FBXL7: variants seen among roughly 807,000 people sequenced by gnomAD.
FBXL7 encodes F-box and leucine rich repeat protein 7.
In FBXL7, 12 loss-of-function variants were observed where a neutral mutation model predicts 38.3. That is an observed-to-expected ratio of 0.31 (90% CI 0.20 to 0.51). The LOEUF is 0.51. Ranked by LOEUF, FBXL7 falls within the 20% of genes least tolerant of loss-of-function variation. FBXL7 has a pLI of 0.98. For synonymous variants in FBXL7, 297 were observed against 300.9 expected (o/e 0.99, Z 0.13); for missense variants, 567 against 676.4 (o/e 0.84, Z 1.79).
At position 15,688,755 on chromosome 5, in the gene FBXL7, C is replaced by T. The variant is rs1743093543; in HGVS notation, c.127+72683C>T. Among the ~76,000 whole-genome samples, 4 of 152,280 alleles carry T rather than the reference C, an allele frequency of 2.6e-5. No individual in the cohort carries two copies. In the South Asian group the frequency reaches 8.3e-4, roughly 32 times the overall value. On this transcript the variant is annotated intron_variant, in intron 2 of 3. Coordinates refer to ENST00000504595, the MANE Select transcript of FBXL7 (RefSeq NM_012304.5). ...GAAGGTTTCTGACCATCAGCAAGAC[C>T]AGAACATGCCTGGTTTCCTCTTGTA...
rs114445970 is a variant in FBXL7 at position 15,641,574 on chromosome 5, T to C, written c.127+25502T>C. ...GACCAGGTCATAGAGTGCTCAGACA[T>C]TGGGTTAAATATGATGTCGGGGTGT... On this transcript the variant is annotated intron_variant, in intron 2 of 3. Coordinates refer to ENST00000504595, the MANE Select transcript of FBXL7 (RefSeq NM_012304.5). Among the ~76,000 whole-genome samples, 894 of 151,752 alleles carry C rather than the reference T, an allele frequency of 5.9e-3. 7 individuals carry two copies. The highest frequency in any genetic ancestry group is 0.02 in the African/African-American group (844 of 41,368).
intron 2 of FBXL7, among the ~76,000 whole-genome samples, chr5:15,859,270 A>G (rs1037464926): frequency 5.9e-5 from 9 of 152,178 alleles, no homozygotes; most frequent in Admixed American, 2.6e-4. Context: ...CAGTGACACA[A>G]TAAGATAAGC....
At chr5:15,843,342 G>T (rs1397839474) in intron 2 of FBXL7, among the ~76,000 whole-genome samples, 2 of 152,136 alleles carry the variant, frequency 1.3e-5, no homozygotes, top group East Asian at 1.9e-4. Context: ...TTATTGGCGT[G>T]TAGTCTTTCT....
intron 2 of FBXL7, among the ~76,000 whole-genome samples, chr5:15,616,822 G>A (rs1490719846): frequency 6.6e-6 from 1 of 152,206 alleles, no homozygotes; most frequent in African/African-American, 2.4e-5. Flanking sequence ...CTGAAAATGA[G>A]TTGTTGCTAA....
At chr5:15,571,410 T>G (rs1008208953) in intron 1 of FBXL7, among the ~76,000 whole-genome samples, 6 of 152,030 alleles carry the variant, frequency 3.9e-5, no homozygotes, top group African/African-American at 1.2e-4. Flanking sequence ...AATGAAGAGA[T>G]GTAGGATGTG....
At chr5:15,618,844 A>G (rs1441913018) in intron 2 of FBXL7, among the ~76,000 whole-genome samples, 1 of 152,212 alleles carries the variant, frequency 6.6e-6, no homozygotes, top group Non-Finnish European at 1.5e-5. Context: ...CCTCCTCAGA[A>G]GAAATAATTC....
rs150640735 is a variant in FBXL7, at chr5:15,708,613, T to A, written c.127+92541T>A. Among the ~76,000 whole-genome samples the A allele has an allele frequency of 6.6e-3, 1,007 of 152,280 alleles. 11 individuals carry two copies. The highest frequency in any genetic ancestry group is 0.023 in the African/African-American group (956 of 41,540). ...AGGGAATGAATAATCAACTCTCAGA[T>A]CTCTTAACCATTTGTAAATCTCTGA... On this transcript the variant is annotated intron_variant, in intron 2 of 3. Coordinates refer to ENST00000504595, the MANE Select transcript of FBXL7 (RefSeq NM_012304.5).
chr5:15,640,774 T>C (rs1434060516), intron 2 of FBXL7, among the ~76,000 whole-genome samples: 1 of 152,248 alleles, frequency 6.6e-6, no homozygotes, highest in Admixed American at 6.5e-5. Context: ...TCCGCCCACC[T>C]TGGCCTCCCA....
intron 2 of FBXL7, among the ~76,000 whole-genome samples, chr5:15,917,862 T>G (rs541175180): frequency 1.4e-4 from 21 of 151,858 alleles, no homozygotes; most frequent in African/African-American, 4.6e-4. Flanking sequence ...ATTAACCCCT[T>G]GCCTTGTGAA....
At chr5:15,750,915 G>A (rs1736137610) in intron 2 of FBXL7, among the ~76,000 whole-genome samples, 1 of 152,168 alleles carries the variant, frequency 6.6e-6, no homozygotes, top group African/African-American at 2.4e-5. Context: ...CTGACACTTG[G>A]TCTACCTTTG....
At chr5:15,569,862 C>G (rs1437808131) in intron 1 of FBXL7, among the ~76,000 whole-genome samples, 3 of 152,268 alleles carry the variant, frequency 2.0e-5, no homozygotes, top group Middle Eastern at 6.8e-3. Flanking sequence ...TGGTTTTTGT[C>G]GTTGGTTCTG....
intron 2 of FBXL7, among the ~76,000 whole-genome samples, chr5:15,924,397 A>G (rs998232450): frequency 6.6e-5 from 10 of 152,230 alleles, no homozygotes; most frequent in Admixed American, 3.3e-4. Flanking sequence ...GAAAGGATGT[A>G]ATCCTTGTCT....
intron 1 of FBXL7, among the ~76,000 whole-genome samples, chr5:15,611,998 AAAAT>A (rs1352231928): frequency 1.3e-5 from 2 of 152,094 alleles, no homozygotes; most frequent in African/African-American, 4.8e-5. Flanking sequence ...AAAGAAAACA[AAAAT>A]AAAAACAAAA....
intron 2 of FBXL7, among the ~76,000 whole-genome samples, chr5:15,731,760 G>A (rs1561103673): frequency 6.6e-6 from 1 of 152,128 alleles, no homozygotes; most frequent in Non-Finnish European, 1.5e-5. Flanking sequence ...AAATCAAGAT[G>A]ATGAATTTTC....
intron 2 of FBXL7, among the ~76,000 whole-genome samples, chr5:15,769,736 G>GAA (rs56743583): frequency 0.19 from 28,149 of 148,480 alleles, 2,681 homozygotes; most frequent in South Asian, 0.26. Context: ...TTCTGGACAC[G>GAA]AAAAAAAAAA....
intron 1 of FBXL7, among the ~76,000 whole-genome samples, chr5:15,515,500 A>G (rs1006896236): frequency 5.3e-5 from 8 of 152,156 alleles, no homozygotes; most frequent in African/African-American, 1.9e-4. Flanking sequence ...TGGTGTGGAA[A>G]ACAGATACCT....
chr5:15,938,771 G>T lies in FBXL7; in HGVS notation c.*1585G>T. ...AACTTCAAATTATCTTATTTGGATA[G>T]AAGTCTATATTCTAGCCTCATTTGC... On this transcript the variant is annotated 3_prime_UTR_variant, in exon 4 of 4. Coordinates refer to ENST00000504595, the MANE Select transcript of FBXL7 (RefSeq NM_012304.5). The T allele has an allele frequency of 2.6e-6, 1 of 386,594 alleles. No individual in the cohort carries two copies. The highest frequency in any genetic ancestry group is 4.6e-6 in the Non-Finnish European group (1 of 219,150). 23.9% of individuals were successfully genotyped at this position (386,594 alleles called of 1,614,324 possible).
intron 1 of FBXL7, among the ~76,000 whole-genome samples, chr5:15,546,197 A>G (rs574533121): frequency 1.3e-5 from 2 of 152,232 alleles, no homozygotes; most frequent in Non-Finnish European, 2.9e-5. Flanking sequence ...TGGGAGGCTG[A>G]GGCAGGCGGA....
intron 1 of FBXL7, among the ~76,000 whole-genome samples, chr5:15,582,828 T>C (rs1430584132): frequency 6.6e-6 from 1 of 152,190 alleles, no homozygotes; most frequent in Admixed American, 6.5e-5. Context: ...AGTCAATCTT[T>C]CCAAATCTTT....
Sources: gnomAD v4.1 joint callset for allele counts (sites outside exome capture counted in the v4.1 genomes callset) on GRCh38, gnomAD v4.1.1 for gene constraint, MANE v1.5 for transcripts, NCBI Gene and HGNC (gene_info 2026-07-23, HGNC 2026-07-21) for gene names.